The following PTDSS2 variants were observed in gnomAD, a reference collection of about 807,000 sequenced individuals.
PTDSS2 encodes phosphatidylserine synthase 2.
In PTDSS2, 41 loss-of-function variants were observed where a neutral mutation model predicts 64.7. The observed-to-expected ratio is 0.63, with a 90% confidence interval of 0.49 to 0.82. PTDSS2 has a LOEUF of 0.82. Ranked by LOEUF, PTDSS2 falls within the 40% of genes least tolerant of loss-of-function variation. The pLI is 0.00. For synonymous variants in PTDSS2, 297 were observed against 277.8 expected, an observed-to-expected ratio of 1.07 and a Z score of -0.69; for missense variants, 485 against 650.0, an observed-to-expected ratio of 0.75 and a Z score of 2.76.
At chr11:468,075 G>A (rs1221472600) in intron 2 of PTDSS2, among the ~76,000 whole-genome samples, 1 of 152,198 alleles carries the variant, frequency 6.6e-6, no homozygotes, top group Non-Finnish European at 1.5e-5. Context: ...GTTGCAGCGA[G>A]CTGTGATTGA....
chr11:451,307 G>T, intron 1 of PTDSS2: 2 of 417,722 alleles, frequency 4.8e-6, no homozygotes, highest in Non-Finnish European at 1.0e-5. Flanking sequence ...GGTGGAAAAG[G>T]AAGAGGCCCC....
At position 476,885 on chromosome 11, in the gene PTDSS2, G is replaced by A. The variant is rs559911769; in HGVS notation, c.368-2200G>A. Among the ~76,000 whole-genome samples, 6 of 152,250 alleles carry A rather than the reference G, an allele frequency of 3.9e-5. No homozygotes were observed. The highest frequency in any genetic ancestry group is 1.9e-4 in the East Asian group (1 of 5,178). ...CTTTGCCAATCTTCGATTTATTGAC[G>A]GGGAAGCCTGTCCTGGAGCCACCTT... On this transcript the variant is annotated intron_variant, in intron 3 of 11. Transcript: ENST00000308020. This position sits in a 1 kb window ranked among gnomAD's most constrained non-coding sequence, Gnocchi z 4.9.
chr11:487,774 A>G (rs1848461562), intron 6 of PTDSS2, among the ~76,000 whole-genome samples: 1 of 152,170 alleles, frequency 6.6e-6, no homozygotes, highest in South Asian at 2.1e-4. Context: ...ACCCTGTGCT[A>G]CCTATGGGGC....
rs1466610652 is a variant in PTDSS2 at position 462,935 on chromosome 11, G to A, written c.284+2647G>A. 1 of 152,212 alleles carries A rather than the reference G, an allele frequency of 6.6e-6. No individual in the cohort carries two copies. Among genetic ancestry groups the A allele is most frequent in the East Asian group, 1.9e-4 (1 of 5,160 alleles). 9.4% of individuals were successfully genotyped at this position (152,212 alleles called of 1,614,324 possible). A position where few individuals can be genotyped will look rare whatever the true frequency, so the allele number is the denominator to read the frequency against. On this transcript the variant is annotated intron_variant, in intron 2 of 11. Transcript: ENST00000308020. The surrounding 1 kb of genome is among the most constrained non-coding windows in gnomAD (Gnocchi z 4.5). The stretch of plus-strand genomic sequence containing the variant: ...TGTCATCCCAGCACTTTGGGAGGCT[G>A]AGGCGGGCAGATCACGAGGTCAAGA...
chr11:483,556 C>T (rs1014430953), intron 4 of PTDSS2, among the ~76,000 whole-genome samples: 1 of 152,188 alleles, frequency 6.6e-6, no homozygotes, highest in Non-Finnish European at 1.5e-5. Context: ...TGATTTTTCG[C>T]ATCAAGTGAG....
intron 3 of PTDSS2, 34 bp downstream of exon 3, chr11:474,011 T>G: frequency 1.3e-6 from 2 of 1,535,600 alleles, no homozygotes; most frequent in Non-Finnish European, 1.8e-6. Context: ...TGTGCCCCTG[T>G]GGCATTTCTG....
At position 490,831 on chromosome 11, in the gene PTDSS2, G is replaced by T; in HGVS notation, c.*249G>T. On this transcript the variant is annotated 3_prime_UTR_variant, in exon 12 of 12. Transcript: ENST00000308020. The stretch of plus-strand genomic sequence containing the variant: ...GTACGCGCGTGTGTACACATGCGTG[G>T]CCGCCTGTGGTGTGCACGTGTGCTC... 14 of 415,872 alleles carry T rather than the reference G, an allele frequency of 3.4e-5. No homozygotes were observed. The South Asian group carries it at 4.2e-4, about 13-fold the overall frequency. 25.8% of individuals were successfully genotyped at this position (415,872 alleles called of 1,614,324 possible).
intron 2 of PTDSS2, among the ~76,000 whole-genome samples, chr11:469,781 G>T (rs1429026102): frequency 2.0e-5 from 3 of 152,042 alleles, no homozygotes; most frequent in African/African-American, 7.3e-5. Context: ...GCTCTGAGGA[G>T]AAATGGCTGA....
At chr11:458,574 C>T (rs1255491401) in intron 1 of PTDSS2, 1 of 144,410 alleles carries the variant, frequency 6.9e-6, no homozygotes, top group Non-Finnish European at 1.5e-5. Context: ...TGCAGTGGCA[C>T]AATCATCCTA....
Position 487,474 on chromosome 11 carries a change from C to A in PTDSS2, c.621+4C>A, listed in dbSNP as rs770101959. ...CTTTCTTGGCTGGTACCTGAAGGTA[C>A]GGCACCTCCTCTTCCCGGCCTCCCC... On this transcript the variant is annotated splice_donor_region_variant and intron_variant, in intron 6 of 11. Transcript: ENST00000308020. 6.2e-7 allele frequency: 1 copy of A among 1,613,504 alleles called. No individual in the cohort carries two copies. Among genetic ancestry groups the A allele is most frequent in the Non-Finnish European group, 8.5e-7 (1 of 1,179,680 alleles).
In PTDSS2 at chr11:470,137, C is replaced by G. The variant is rs1847353498; in HGVS notation, c.285-3758C>G. Among the ~76,000 whole-genome samples, 1 of 152,220 alleles carries G rather than the reference C, an allele frequency of 6.6e-6. No homozygotes were observed. Among genetic ancestry groups the G allele is most frequent in the Non-Finnish European group, 1.5e-5 (1 of 68,048 alleles). On this transcript the variant is annotated intron_variant, in intron 2 of 11. Transcript: ENST00000308020. The surrounding 1 kb of genome is among the most constrained non-coding windows in gnomAD (Gnocchi z 5.3). ...TGCGCTGCGCGTGGTGACCTGACCTCCTTCCTGGGCGTGCAGCACGGAGAG... is the reference window on the plus strand; with the variant it reads ...TGCGCTGCGCGTGGTGACCTGACCTGCTTCCTGGGCGTGCAGCACGGAGAG...
chr11:451,418 C>A (rs1846323139), intron 1 of PTDSS2: 1 of 448,070 alleles, frequency 2.2e-6, no homozygotes, highest in African/African-American at 2.0e-5. Context: ...GCCGATGCTC[C>A]TCTGTGAGAA....
rs1421233058 is a variant in PTDSS2 at position 476,004 on chromosome 11, G to A, written c.367+2027G>A. Among the ~76,000 whole-genome samples, 1 of 152,248 alleles carries A rather than the reference G, an allele frequency of 6.6e-6. No homozygotes were observed. Among genetic ancestry groups the A allele is most frequent in the South Asian group, 2.1e-4 (1 of 4,836 alleles). On this transcript the variant is annotated intron_variant, in intron 3 of 11. Coordinates refer to ENST00000308020, the MANE Select transcript of PTDSS2 (RefSeq NM_030783.3). The surrounding 1 kb of genome is among the most constrained non-coding windows in gnomAD (Gnocchi z 4.9). ...TGTTATAAAATTGGCCTCCAGGAGA[G>A]CAGTGTCTGCCCCAGGGTCAGTGCC...
intron 4 of PTDSS2, among the ~76,000 whole-genome samples, chr11:485,354 A>G (rs1453930509): frequency 7.6e-6 from 1 of 131,334 alleles, no homozygotes; most frequent in Non-Finnish European, 1.6e-5. Flanking sequence ...CTCACTGCGC[A>G]GGCGTCTGTA....
At chr11:459,930 C>T (rs1476096650) in intron 1 of PTDSS2, 4 of 496,866 alleles carry the variant, frequency 8.1e-6, no homozygotes, top group Admixed American at 3.4e-5. Context: ...CTCTGAGCAG[C>T]GGCCTTCAGC....
intron 2 of PTDSS2, among the ~76,000 whole-genome samples, chr11:464,501 CG>C (rs1847053885): frequency 6.6e-6 from 1 of 152,088 alleles, no homozygotes; most frequent in Non-Finnish European, 1.5e-5. Context: ...TGCCTCACCC[CG>C]GCTCGGGCAG....
intron 4 of PTDSS2, among the ~76,000 whole-genome samples, chr11:481,645 G>C (rs1848074471): frequency 6.6e-6 from 1 of 152,044 alleles, no homozygotes; most frequent in South Asian, 2.1e-4. Flanking sequence ...CTTTTGCATT[G>C]CTCGTTACTC....
intron 2 of PTDSS2, among the ~76,000 whole-genome samples, chr11:473,005 A>AGCGTCTGCAGAGCACAGAGC (rs1847549685): frequency 6.6e-6 from 1 of 152,186 alleles, no homozygotes. Flanking sequence ...GGTGCATCCG[A>AGCGTCTGCAGAGCACAGAGC]GCGTCTGCAG....
In PTDSS2 at chr11:450,425, G is replaced by T; in HGVS notation, c.-31G>T. The T allele has an allele frequency of 8.2e-7, 1 of 1,222,044 alleles. No individual in the cohort carries two copies. The highest frequency in any genetic ancestry group is 4.3e-5 in the Admixed American group (1 of 23,340). The allele number at this position is 1,222,044 out of a possible 1,614,324, so 75.7% of individuals were successfully genotyped here. ...GACCCGGTGTGCGTGGGGTCGAGGCGCCGGGCGGAGTGGCTCCGGGCCGAA... is the reference window on the plus strand; with the variant it reads ...GACCCGGTGTGCGTGGGGTCGAGGCTCCGGGCGGAGTGGCTCCGGGCCGAA... On this transcript the variant is annotated 5_prime_UTR_variant, in exon 1 of 12. Coordinates refer to ENST00000308020, the MANE Select transcript of PTDSS2 (RefSeq NM_030783.3).
Sources: gnomAD v4.1 joint callset for allele counts (sites outside exome capture counted in the v4.1 genomes callset) on GRCh38, gnomAD v4.1.1 for gene constraint, Gnocchi (gnomAD v3.1) non-coding constraint, MANE v1.5 for transcripts, NCBI Gene and HGNC (gene_info 2026-07-23, HGNC 2026-07-21) for gene names.